Variants in KCNG3 observed in about 807,000 individuals in gnomAD.
KCNG3 encodes the protein voltage-gated potassium channel regulatory subunit KCNG3.
KCNG3 carries 15 observed loss-of-function variants against 29.0 expected under a neutral mutation model. The observed-to-expected ratio is 0.52, with a 90% CI of 0.35 to 0.80. KCNG3 has a LOEUF of 0.80. KCNG3 is among the 30% of genes least tolerant of loss of function. KCNG3 has a pLI of 0.01. For missense variants in KCNG3, 512 were observed against 605.7 expected (o/e 0.85, Z 1.62); for synonymous variants, 322 against 248.9 (o/e 1.29, Z -2.76).
chr2:42,408,217 G>C, the KCNG3 span, among the ~76,000 whole-genome samples: 1 of 152,144 alleles, frequency 6.6e-6, no homozygotes, highest in Non-Finnish European at 1.5e-5. Flanking sequence ...AGCAGCGGGA[G>C]GCAAGACAGG....
chr2:42,421,065 C>A, the KCNG3 span, among the ~76,000 whole-genome samples: 5 of 152,130 alleles, frequency 3.3e-5, no homozygotes, highest in Non-Finnish European at 5.9e-5. Flanking sequence ...GAGTAGAACA[C>A]AAATCATGAA....
chr2:42,492,000 T>C (rs531623535), intron 1 of KCNG3, among the ~76,000 whole-genome samples: 1 of 152,312 alleles, frequency 6.6e-6, no homozygotes, highest in Admixed American at 6.5e-5. Flanking sequence ...TGCTCACTTG[T>C]ACTAAAAACA....
intron 1 of KCNG3, among the ~76,000 whole-genome samples, chr2:42,473,812 C>A (rs1411208288): frequency 6.6e-6 from 1 of 152,058 alleles, no homozygotes; most frequent in African/African-American, 2.4e-5. Flanking sequence ...AAAAAAAAAT[C>A]TTCAAAGCAT....
chr2:42,394,248 G>C, the KCNG3 span, among the ~76,000 whole-genome samples: 1 of 152,130 alleles, frequency 6.6e-6, no homozygotes, highest in Non-Finnish European at 1.5e-5. Context: ...AAGTGATAAG[G>C]GGCCCAACAA....
At chr2:42,409,667 G>C in the KCNG3 span, among the ~76,000 whole-genome samples, 1 of 125,804 alleles carries the variant, frequency 7.9e-6, no homozygotes, top group Admixed American at 1.0e-4. Flanking sequence ...TTGTGCCACT[G>C]CACTTCAGCC....
chr2:42,447,669 C>T (rs1672635522), intron 1 of KCNG3, among the ~76,000 whole-genome samples: 1 of 152,046 alleles, frequency 6.6e-6, no homozygotes, highest in Non-Finnish European at 1.5e-5. Flanking sequence ...CACGTACCAC[C>T]ACACTTGGTT....
chr2:42,451,105 T>C (rs573962846), intron 1 of KCNG3, among the ~76,000 whole-genome samples: 1 of 141,560 alleles, frequency 7.1e-6, no homozygotes, highest in African/African-American at 2.7e-5. Context: ...CTCGGGAGAC[T>C]GAGGCAGGAG....
the KCNG3 span, among the ~76,000 whole-genome samples, chr2:42,425,398 CAAAAAAA>C: frequency 1.2e-4 from 10 of 82,360 alleles, no homozygotes; most frequent in African/African-American, 3.1e-4. Context: ...GACTCCGTCT[CAAAAAAA>C]AAAAAAAAAA....
At chr2:42,388,602 G>C in the KCNG3 span, 1 of 152,134 alleles carries the variant, frequency 6.6e-6, no homozygotes, top group Non-Finnish European at 1.5e-5. Context: ...CTTTTCCTCG[G>C]TGTGTGTGCA....
At chr2:42,486,314 G>A (rs895619554) in intron 1 of KCNG3, among the ~76,000 whole-genome samples, 1 of 152,170 alleles carries the variant, frequency 6.6e-6, no homozygotes, top group Non-Finnish European at 1.5e-5. Flanking sequence ...ATCCAGTCAC[G>A]TCTCACCGTC....
At chr2:42,466,731 G>C (rs1673149848) in intron 1 of KCNG3, among the ~76,000 whole-genome samples, 1 of 149,830 alleles carries the variant, frequency 6.7e-6, no homozygotes, top group African/African-American at 2.4e-5. Flanking sequence ...GGAATTAGTG[G>C]CAAAAACTGC....
chr2:42,482,186 C>G (rs192593683), intron 1 of KCNG3, among the ~76,000 whole-genome samples: 58 of 152,338 alleles, frequency 3.8e-4, no homozygotes, highest in Non-Finnish European at 7.2e-4. Flanking sequence ...ACACCTAAAA[C>G]AGTCCTAAAT....
At chr2:42,471,184 G>A (rs11900880) in intron 1 of KCNG3, among the ~76,000 whole-genome samples, 16,331 of 147,712 alleles carry the variant, frequency 0.11, 1,229 homozygotes, top group African/African-American at 0.2. Flanking sequence ...GTGTGTGTGT[G>A]TATATATATA....
chr2:42,478,072 A>G (rs1480508828), intron 1 of KCNG3, among the ~76,000 whole-genome samples: 3 of 152,046 alleles, frequency 2.0e-5, no homozygotes, highest in Non-Finnish European at 4.4e-5. Flanking sequence ...CCTACTTGTT[A>G]TAGGTGTCCA....
the KCNG3 span, chr2:42,415,354 T>C: frequency 6.6e-6 from 1 of 152,236 alleles, no homozygotes; most frequent in Admixed American, 6.5e-5. Context: ...TGCTCCCAAA[T>C]AATCACTGCC....
the KCNG3 span, among the ~76,000 whole-genome samples, chr2:42,391,027 G>C: frequency 6.6e-6 from 1 of 152,168 alleles, no homozygotes. Context: ...AGGTTCAGCT[G>C]GGGAATCTTC....
the KCNG3 span, among the ~76,000 whole-genome samples, chr2:42,395,926 G>A: frequency 6.6e-6 from 1 of 151,988 alleles, no homozygotes; most frequent in African/African-American, 2.4e-5. Flanking sequence ...CTCCAGCCTG[G>A]GCAACATGTT....
At chr2:42,408,028 G>A in the KCNG3 span, among the ~76,000 whole-genome samples, 5 of 152,238 alleles carry the variant, frequency 3.3e-5, no homozygotes, top group Admixed American at 6.5e-5. Context: ...AAGCTGGGGT[G>A]AAGACAGCCA....
At chr2:42,448,324 T>A (rs2103667474) in intron 1 of KCNG3, among the ~76,000 whole-genome samples, 1 of 151,682 alleles carries the variant, frequency 6.6e-6, no homozygotes, top group Admixed American at 6.6e-5. Context: ...GCCCGGGGTC[T>A]AAATCCTGCC....
Sources: allele counts gnomAD v4.1 joint callset (sites outside exome capture counted in the v4.1 genomes callset), GRCh38; gene constraint gnomAD v4.1.1; transcripts MANE v1.5; gene names NCBI Gene and HGNC (gene_info 2026-07-23, HGNC 2026-07-21).